The following STX8 variants were observed in gnomAD, a reference collection of about 807,000 sequenced individuals.
STX8 encodes syntaxin-8.
Under a neutral mutation model 37.5 loss-of-function variants are expected in STX8, and 23 were observed. The observed-to-expected ratio is 0.61, with a 90% CI of 0.44 to 0.87. The LOEUF is 0.87. STX8 is among the 40% of genes least tolerant of loss of function. STX8 has a pLI of 0.00. For synonymous variants in STX8, 115 were observed against 99.1 expected, an observed-to-expected ratio of 1.16 and a Z score of -0.95; for missense variants, 313 against 284.7, an observed-to-expected ratio of 1.10 and a Z score of -0.71.
At chr17:9,284,113 G>A (rs1907990446) in intron 7 of STX8, among the ~76,000 whole-genome samples, 1 of 152,206 alleles carries the variant, frequency 6.6e-6, no homozygotes, top group African/African-American at 2.4e-5. Flanking sequence ...TCATACCTCA[G>A]TTAACTGGCA....
At chr17:9,288,048 T>A in intron 7 of STX8, among the ~76,000 whole-genome samples, 1 of 119,806 alleles carries the variant, frequency 8.3e-6, no homozygotes, top group Admixed American at 1.0e-4. Flanking sequence ...ATGCCTGGCC[T>A]ACATTCTTTA....
chr17:9,558,417 C>T (rs1474889601), intron 2 of STX8, among the ~76,000 whole-genome samples: 1 of 152,168 alleles, frequency 6.6e-6, no homozygotes, highest in African/African-American at 2.4e-5. Context: ...ATCCAGCAGC[C>T]CTCCAAGGCA....
intron 2 of STX8, among the ~76,000 whole-genome samples, chr17:9,566,607 C>T (rs1597748170): frequency 2.6e-5 from 4 of 151,892 alleles, no homozygotes; most frequent in South Asian, 4.2e-4. Context: ...GCCAACATGG[C>T]GAAACCCCAT....
At chr17:9,472,070 C>CTTTT in intron 6 of STX8, among the ~76,000 whole-genome samples, 1 of 139,902 alleles carries the variant, frequency 7.1e-6, no homozygotes, top group African/African-American at 2.6e-5. Flanking sequence ...TGGTAGATTC[C>CTTTT]TTTTTTTTTT....
At chr17:9,362,192 T>A (rs1176831496) in intron 7 of STX8, among the ~76,000 whole-genome samples, 1 of 151,672 alleles carries the variant, frequency 6.6e-6, no homozygotes, top group Non-Finnish European at 1.5e-5. Context: ...TTAGCCGGGG[T>A]GTTGGCCCAT....
chr17:9,445,083 G>A (rs1405461706), intron 6 of STX8, among the ~76,000 whole-genome samples: 1 of 152,140 alleles, frequency 6.6e-6, no homozygotes, highest in Non-Finnish European at 1.5e-5. Context: ...GGGAAGCTGA[G>A]CAGGTTGCAA....
At chr17:9,452,803 G>GC (rs781149550) in intron 6 of STX8, among the ~76,000 whole-genome samples, 16 of 133,838 alleles carry the variant, frequency 1.2e-4, no homozygotes, top group Non-Finnish European at 1.7e-4. Context: ...GATGGCCCTT[G>GC]TTTTTTTTTC....
At chr17:9,399,300 G>A (rs1374592244) in intron 6 of STX8, among the ~76,000 whole-genome samples, 1 of 152,050 alleles carries the variant, frequency 6.6e-6, no homozygotes, top group Admixed American at 6.5e-5. Context: ...AACAATTCCC[G>A]AGTGGCTCCT....
chr17:9,285,537 G>A (rs200454624), intron 7 of STX8, among the ~76,000 whole-genome samples: 2 of 152,076 alleles, frequency 1.3e-5, no homozygotes, highest in African/African-American at 2.4e-5. Flanking sequence ...CTCTAAGGCC[G>A]GCCTCCAGAA....
intron 7 of STX8, among the ~76,000 whole-genome samples, chr17:9,272,914 C>T (rs944530276): frequency 3.3e-5 from 5 of 152,220 alleles, no homozygotes; most frequent in Non-Finnish European, 1.5e-5. Flanking sequence ...ATTCCTTGTT[C>T]TCTTTCTAAG....
At chr17:9,253,282 C>G (rs1009502408) in intron 7 of STX8, among the ~76,000 whole-genome samples, 1 of 146,356 alleles carries the variant, frequency 6.8e-6, no homozygotes, top group Admixed American at 6.9e-5. Context: ...GGTAGGGATA[C>G]GGGTGTGTGT....
intron 4 of STX8, among the ~76,000 whole-genome samples, chr17:9,539,469 G>A (rs1263452657): frequency 6.6e-6 from 1 of 152,220 alleles, no homozygotes; most frequent in African/African-American, 2.4e-5. Context: ...TTGATTAGCA[G>A]ATTAACCCCA....
chr17:9,513,056 CACAGCAAAGGAA>C (rs1241846244), intron 4 of STX8, among the ~76,000 whole-genome samples: 2 of 152,076 alleles, frequency 1.3e-5, no homozygotes, highest in Non-Finnish European at 2.9e-5. Context: ...AAAGCTTCTG[CACAGCAAAGGAA>C]ACAGTCAATA....
intron 6 of STX8, among the ~76,000 whole-genome samples, chr17:9,455,448 C>T (rs1567568665): frequency 1.3e-5 from 2 of 152,026 alleles, no homozygotes; most frequent in Admixed American, 6.6e-5. Flanking sequence ...TGCAGTGAGC[C>T]GAGATCACGC....
chr17:9,427,704 G>A (rs890460626), intron 6 of STX8, among the ~76,000 whole-genome samples: 2 of 152,156 alleles, frequency 1.3e-5, no homozygotes, highest in African/African-American at 2.4e-5. Flanking sequence ...GTGGAGTTCT[G>A]AGCCAGGAGC....
intron 7 of STX8, among the ~76,000 whole-genome samples, chr17:9,348,417 C>CA (rs1190839413): frequency 0.12 from 11,976 of 99,274 alleles, 626 homozygotes; most frequent in Middle Eastern, 0.17. Context: ...GACTCTGTCT[C>CA]AAAAAAAAAA....
At chr17:9,436,769 G>A (rs1240319657) in intron 6 of STX8, among the ~76,000 whole-genome samples, 1 of 152,170 alleles carries the variant, frequency 6.6e-6, no homozygotes, top group Non-Finnish European at 1.5e-5. Context: ...AAAATAAAAA[G>A]CAGCATTGTT....
At chr17:9,303,402 A>C (rs1908854800) in intron 7 of STX8, among the ~76,000 whole-genome samples, 1 of 152,184 alleles carries the variant, frequency 6.6e-6, no homozygotes, top group African/African-American at 2.4e-5. Flanking sequence ...TATAAGCCAC[A>C]ATACTGTTAT....
intron 7 of STX8, among the ~76,000 whole-genome samples, chr17:9,345,686 CA>C (rs1000431518): frequency 5.6e-5 from 4 of 71,728 alleles, no homozygotes; most frequent in African/African-American, 1.5e-4. Context: ...TCCCTTATCT[CA>C]CATACTTTTT....
Sources: gnomAD v4.1 joint callset for allele counts (sites outside exome capture counted in the v4.1 genomes callset) on GRCh38, gnomAD v4.1.1 for gene constraint, MANE v1.5 for transcripts, NCBI Gene and HGNC (gene_info 2026-07-23, HGNC 2026-07-21) for gene names.